Variants in TTC39C observed in about 807,000 individuals in gnomAD.
TTC39C encodes tetratricopeptide repeat domain 39C, also known as tetratricopeptide repeat protein 39C.
Under a neutral mutation model 76.3 loss-of-function variants are expected in TTC39C, and 33 were observed. The ratio of observed to expected loss-of-function variants is 0.43; its 90% CI spans 0.33 to 0.58. TTC39C has a LOEUF of 0.58. Among genes scored for constraint, TTC39C ranks in the 20% least tolerant of loss-of-function variants. TTC39C has a pLI of 0.04. For synonymous variants in TTC39C, 254 were observed against 260.6 expected (o/e 0.97, Z 0.24); for missense variants, 595 against 701.4 (o/e 0.85, Z 1.71).
intron 2 of TTC39C, among the ~76,000 whole-genome samples, chr18:24,065,443 T>A (rs934424167): frequency 6.6e-6 from 1 of 152,230 alleles, no homozygotes; most frequent in Non-Finnish European, 1.5e-5. Context: ...CTTCGTTAAA[T>A]GTGGCTTGAA....
chr18:24,100,807 T>TA (rs1316466875), intron 6 of TTC39C, among the ~76,000 whole-genome samples: 1 of 152,234 alleles, frequency 6.6e-6, no homozygotes, highest in Non-Finnish European at 1.5e-5. Context: ...GTGTTCTTTT[T>TA]ATTCACCAGG....
intron 8 of TTC39C, among the ~76,000 whole-genome samples, chr18:24,122,961 T>C (rs2084991303): frequency 6.6e-6 from 1 of 152,226 alleles, no homozygotes; most frequent in African/African-American, 2.4e-5. Context: ...TATGTGCGTG[T>C]GTGAGCATGT....
chr18:24,121,324 G>A (rs2145819736), intron 8 of TTC39C, among the ~76,000 whole-genome samples: 1 of 152,242 alleles, frequency 6.6e-6, no homozygotes, highest in Non-Finnish European at 1.5e-5. Flanking sequence ...TGTAATCCCA[G>A]TACTTTGGGA....
At chr18:24,020,375 C>CTATA in intron 1 of TTC39C, 1 of 901,328 alleles carries the variant, frequency 1.1e-6, no homozygotes. Context: ...AATACCTGTG[C>CTATA]TATAGTGTAA....
At chr18:24,055,840 T>A (rs1270423306) in intron 1 of TTC39C, among the ~76,000 whole-genome samples, 1 of 152,180 alleles carries the variant, frequency 6.6e-6, no homozygotes, top group Non-Finnish European at 1.5e-5. Flanking sequence ...TTTCCAATGG[T>A]CTATTAAAAC....
At chr18:24,044,052 TTGTGTGTGTGTGTGTG>T (rs56233680) in intron 1 of TTC39C, among the ~76,000 whole-genome samples, 11 of 147,958 alleles carry the variant, frequency 7.4e-5, no homozygotes, top group East Asian at 2.0e-4. Context: ...TTGTGTATGT[TTGTGTGTGTGTGTGTG>T]TGTGTGTGTG....
At chr18:24,026,507 G>T (rs1302603724) in intron 1 of TTC39C, among the ~76,000 whole-genome samples, 1 of 152,194 alleles carries the variant, frequency 6.6e-6, no homozygotes, top group Middle Eastern at 3.2e-3. Flanking sequence ...GCCACATAAT[G>T]TAGTATGTTA....
chr18:24,011,162 G>A (rs1159970688), upstream of TTC39C, among the ~76,000 whole-genome samples: 1 of 152,212 alleles, frequency 6.6e-6, no homozygotes, highest in Non-Finnish European at 1.5e-5. Context: ...TTTCCTAACA[G>A]ATCTGGGATT....
At chr18:24,074,596 A>T (rs1033407883) in intron 4 of TTC39C, among the ~76,000 whole-genome samples, 10 of 152,220 alleles carry the variant, frequency 6.6e-5, no homozygotes, top group Non-Finnish European at 8.8e-5. Flanking sequence ...CAAAATCACA[A>T]TGAGATACCA....
intron 1 of TTC39C, among the ~76,000 whole-genome samples, chr18:24,043,776 G>A (rs950430095): frequency 3.9e-5 from 6 of 152,222 alleles, no homozygotes; most frequent in Non-Finnish European, 5.9e-5. Flanking sequence ...ATGGGAAGAC[G>A]AAGGTTTGCC....
At chr18:24,003,685 C>T (rs2083330690) in intron 1 of TTC39C, among the ~76,000 whole-genome samples, 1 of 129,402 alleles carries the variant, frequency 7.7e-6, no homozygotes, top group African/African-American at 3.1e-5. Context: ...TCTCTAAAGA[C>T]AAATACTTTT....
intron 4 of TTC39C, among the ~76,000 whole-genome samples, chr18:24,078,195 A>C (rs930177790): frequency 6.6e-6 from 1 of 152,218 alleles, no homozygotes; most frequent in Non-Finnish European, 1.5e-5. Context: ...GTGGAGGTAG[A>C]CTATAGGACA....
chr18:23,995,609 C>T (rs1380460661), intron 1 of TTC39C, among the ~76,000 whole-genome samples: 2 of 152,070 alleles, frequency 1.3e-5, no homozygotes, highest in Non-Finnish European at 2.9e-5. Context: ...AGATGTACTA[C>T]ACCTTGGGGC....
chr18:24,017,713 G>A (rs1156777556), intron 1 of TTC39C, among the ~76,000 whole-genome samples: 1 of 152,162 alleles, frequency 6.6e-6, no homozygotes, highest in Non-Finnish European at 1.5e-5. Flanking sequence ...TGTTTGAGGA[G>A]CACCCCCCTG....
At chr18:24,079,981 T>G (rs1252381871) in intron 4 of TTC39C, among the ~76,000 whole-genome samples, 1 of 151,906 alleles carries the variant, frequency 6.6e-6, no homozygotes, top group Non-Finnish European at 1.5e-5. Context: ...TTTGTATTTT[T>G]TATAGAGATG....
intron 1 of TTC39C, among the ~76,000 whole-genome samples, chr18:24,053,973 A>T (rs2083984275): frequency 1.3e-5 from 2 of 152,212 alleles, no homozygotes; most frequent in African/African-American, 4.8e-5. Flanking sequence ...TAAGAGAATG[A>T]GCAAAAGTGG....
At chr18:24,028,064 G>T (rs1364144631) in intron 1 of TTC39C, among the ~76,000 whole-genome samples, 1 of 152,130 alleles carries the variant, frequency 6.6e-6, no homozygotes, top group Non-Finnish European at 1.5e-5. Flanking sequence ...CTGTATTGAT[G>T]ATTGGTGAGA....
Position 24,123,653 on chromosome 18 carries a change from C to T in TTC39C, c.1187-181C>T, listed in dbSNP as rs146324360. On this transcript the variant is annotated intron_variant, in intron 8 of 13. Transcript: ENST00000317571. Reference sequence around the variant, plus strand: ...AATTCCTGACCTCAGGTGATCCACTCGCCTCTGCCTTCCAAAGTGCTGGGA... The same window carrying T: ...AATTCCTGACCTCAGGTGATCCACTTGCCTCTGCCTTCCAAAGTGCTGGGA... The T allele has an allele frequency of 4.4e-3, 2,050 of 466,394 alleles. 36 individuals carry two copies. Among genetic ancestry groups the T allele is most frequent in the African/African-American group, 0.038 (1,882 of 49,328 alleles). 28.9% of individuals were successfully genotyped at this position (466,394 alleles called of 1,614,324 possible).
At chr18:24,122,324 A>G (rs1779580744) in intron 8 of TTC39C, among the ~76,000 whole-genome samples, 1 of 151,836 alleles carries the variant, frequency 6.6e-6, no homozygotes, top group African/African-American at 2.4e-5. Context: ...CAATATGGTG[A>G]AACCCCATCT....
Sources: allele counts gnomAD v4.1 joint callset (sites outside exome capture counted in the v4.1 genomes callset), GRCh38; gene constraint gnomAD v4.1.1; transcripts MANE v1.5; gene names NCBI Gene and HGNC (gene_info 2026-07-23, HGNC 2026-07-21).